Variants in KLHL1 observed in about 807,000 individuals in gnomAD.
KLHL1 encodes the protein kelch-like protein 1.
KLHL1 carries 47 observed loss-of-function variants against 77.7 expected under a neutral mutation model. The ratio of observed to expected loss-of-function variants is 0.60; its 90% CI spans 0.48 to 0.77. KLHL1 has a LOEUF of 0.77. Ranked by LOEUF, KLHL1 falls within the 30% of genes least tolerant of loss-of-function variation. The probability of loss-of-function intolerance (pLI) is 0.00; values close to 1 mark genes in which losing one functional copy is unlikely to be tolerated. For synonymous variants in KLHL1, 360 were observed against 325.2 expected, an observed-to-expected ratio of 1.11 and a Z score of -1.15; for missense variants, 925 against 910.8, an observed-to-expected ratio of 1.02 and a Z score of -0.20.
intron 5 of KLHL1, among the ~76,000 whole-genome samples, chr13:69,875,790 C>T (rs1036153013): frequency 6.6e-6 from 1 of 151,774 alleles, no homozygotes; most frequent in African/African-American, 2.4e-5. Context: ...TATTTATTGT[C>T]TATGTATTTC....
At chr13:70,005,003 A>C (rs559098755) in intron 1 of KLHL1, among the ~76,000 whole-genome samples, 1 of 151,718 alleles carries the variant, frequency 6.6e-6, no homozygotes, top group East Asian at 1.9e-4. Context: ...CAATGTCATA[A>C]TTGTAACGTA....
At chr13:69,828,025 T>C (rs915229717) in intron 6 of KLHL1, among the ~76,000 whole-genome samples, 3 of 150,346 alleles carry the variant, frequency 2.0e-5, no homozygotes, top group Non-Finnish European at 4.4e-5. Flanking sequence ...AAATGGCAGA[T>C]AGGATACAGG....
chr13:70,060,504 G>C (rs1421157904), intron 1 of KLHL1, among the ~76,000 whole-genome samples: 1 of 151,130 alleles, frequency 6.6e-6, no homozygotes, highest in Non-Finnish European at 1.5e-5. Flanking sequence ...GCCAAAATTT[G>C]GAAGGAAAAC....
At chr13:70,080,624 G>A (rs1190404899) in intron 1 of KLHL1, among the ~76,000 whole-genome samples, 2 of 151,910 alleles carry the variant, frequency 1.3e-5, no homozygotes, top group Non-Finnish European at 2.9e-5. Flanking sequence ...TTGAGAGGGA[G>A]GCTTGTTCTG....
At chr13:70,011,488 T>C (rs1451175612) in intron 1 of KLHL1, among the ~76,000 whole-genome samples, 1 of 152,200 alleles carries the variant, frequency 6.6e-6, no homozygotes, top group Non-Finnish European at 1.5e-5. Context: ...TGCTCTTCCA[T>C]TTTGAAGGGC....
chr13:69,729,663 A>G (rs1873456038), intron 8 of KLHL1, among the ~76,000 whole-genome samples: 1 of 152,158 alleles, frequency 6.6e-6, no homozygotes. Flanking sequence ...AAGTACCCAG[A>G]CATTAATAGC....
At chr13:70,053,538 T>C (rs758487022) in intron 1 of KLHL1, among the ~76,000 whole-genome samples, 2 of 152,026 alleles carry the variant, frequency 1.3e-5, no homozygotes, top group Non-Finnish European at 2.9e-5. Context: ...CTTATGGAAG[T>C]CTATGTAAAA....
At chr13:70,000,875 GATA>G (rs1885270345) in intron 1 of KLHL1, among the ~76,000 whole-genome samples, 1 of 147,252 alleles carries the variant, frequency 6.8e-6, no homozygotes, top group African/African-American at 2.5e-5. Context: ...AAAGAATGAG[GATA>G]ATAAGATCAA....
chr13:69,985,633 G>T (rs1281602921), intron 1 of KLHL1, among the ~76,000 whole-genome samples: 1 of 151,244 alleles, frequency 6.6e-6, no homozygotes, highest in Non-Finnish European at 1.5e-5. Context: ...CCACTACAGG[G>T]TATATGCCCA....
At chr13:69,743,168 G>A (rs1489020205) in intron 7 of KLHL1, among the ~76,000 whole-genome samples, 2 of 152,092 alleles carry the variant, frequency 1.3e-5, no homozygotes, top group South Asian at 4.1e-4. Context: ...CAGATCACTA[G>A]GATAATTTAA....
intron 8 of KLHL1, among the ~76,000 whole-genome samples, chr13:69,739,882 G>C (rs1167976609): frequency 6.6e-6 from 1 of 152,066 alleles, no homozygotes; most frequent in African/African-American, 2.4e-5. Flanking sequence ...ATATTTTTGC[G>C]TGTCACAATG....
At chr13:70,065,427 AG>A (rs1593715147) in intron 1 of KLHL1, among the ~76,000 whole-genome samples, 1 of 152,290 alleles carries the variant, frequency 6.6e-6, no homozygotes, top group East Asian at 1.9e-4. Flanking sequence ...TATTAGGGAA[AG>A]CACAATAGAG....
intron 7 of KLHL1, among the ~76,000 whole-genome samples, chr13:69,778,792 C>CTTTTTTTTTT (rs1172258314): frequency 2.0e-5 from 2 of 99,216 alleles, no homozygotes; most frequent in Non-Finnish European, 3.8e-5. Context: ...TATTCCCTCT[C>CTTTTTTTTTT]TTTTTTTTTT....
intron 1 of KLHL1, among the ~76,000 whole-genome samples, chr13:69,977,438 A>G (rs1884576299): frequency 1.3e-5 from 2 of 152,148 alleles, no homozygotes; most frequent in South Asian, 4.1e-4. Context: ...GGTATGAAAA[A>G]TAAATTAATA....
In KLHL1 at chr13:70,086,042, A is replaced by G. The variant is rs550172312; in HGVS notation, c.497+21161T>C. Among the ~76,000 whole-genome samples, 230 of 152,306 alleles carry G rather than the reference A, an allele frequency of 1.5e-3. 2 individuals are homozygous for G. The highest frequency in any genetic ancestry group is 5.3e-3 in the African/African-American group (222 of 41,570). On this transcript the variant is annotated intron_variant, in intron 1 of 10. Coordinates refer to ENST00000377844, the MANE Select transcript of KLHL1 (RefSeq NM_020866.3). Reference sequence around the variant, plus strand: ...AATTATTTCTACTAATAGGAATACAAGTAAGTACAGGTAGGATGCCATATT... The same window carrying G: ...AATTATTTCTACTAATAGGAATACAGGTAAGTACAGGTAGGATGCCATATT...
intron 4 of KLHL1, among the ~76,000 whole-genome samples, chr13:69,916,889 T>A (rs1228075572): frequency 6.6e-6 from 1 of 152,062 alleles, no homozygotes; most frequent in Admixed American, 6.6e-5. Flanking sequence ...AGAATATTGG[T>A]ATTTTTTTAG....
At chr13:69,949,184 C>T (rs573636553) in intron 3 of KLHL1, among the ~76,000 whole-genome samples, 8 of 151,726 alleles carry the variant, frequency 5.3e-5, no homozygotes, top group Admixed American at 4.0e-4. Context: ...TGTGTACTTC[C>T]TTTACATTCC....
chr13:69,847,059 C>G (rs1042105924), intron 5 of KLHL1, among the ~76,000 whole-genome samples: 1 of 151,370 alleles, frequency 6.6e-6, no homozygotes, highest in Non-Finnish European at 1.5e-5. Flanking sequence ...AAAATACCCT[C>G]TTGTCTAGAA....
intron 1 of KLHL1, among the ~76,000 whole-genome samples, chr13:70,017,854 G>T (rs1361896764): frequency 1.3e-5 from 2 of 152,196 alleles, no homozygotes; most frequent in Non-Finnish European, 2.9e-5. Flanking sequence ...TAGGGCAAGA[G>T]ATAATTCCAA....
Sources: gnomAD v4.1 joint callset for allele counts (sites outside exome capture counted in the v4.1 genomes callset) on GRCh38, gnomAD v4.1.1 for gene constraint, MANE v1.5 for transcripts, NCBI Gene and HGNC (gene_info 2026-07-23, HGNC 2026-07-21) for gene names.